ADAMTSL1: variants seen among roughly 807,000 people sequenced by gnomAD.
The protein encoded by ADAMTSL1 is ADAMTS like 1.
ADAMTSL1 carries 126 observed loss-of-function variants against 201.8 expected under a neutral mutation model. The ratio of observed to expected loss-of-function variants is 0.62; its 90% CI spans 0.54 to 0.72. ADAMTSL1 has a LOEUF of 0.72. Ranked by LOEUF, ADAMTSL1 falls within the 30% of genes least tolerant of loss-of-function variation. ADAMTSL1 has a pLI of 0.00. For synonymous variants in ADAMTSL1, 1,121 were observed against 903.4 expected (o/e 1.24, Z -4.32); for missense variants, 2,679 against 2,277.8 (o/e 1.18, Z -3.59).
At chr9:18,392,540 A>C (rs57213858) in intron 2 of ADAMTSL1, among the ~76,000 whole-genome samples, 26,814 of 152,032 alleles carry the variant, frequency 0.18, 2,644 homozygotes, top group South Asian at 0.25. Flanking sequence ...CCTTATCTTT[A>C]TCTCTGTTAT....
At chr9:18,430,617 T>C (rs1304714133) in intron 2 of ADAMTSL1, among the ~76,000 whole-genome samples, 3 of 152,170 alleles carry the variant, frequency 2.0e-5, no homozygotes, top group African/African-American at 7.2e-5. Flanking sequence ...GCCTATACTG[T>C]TTCCCTAATC....
intron 26 of ADAMTSL1, among the ~76,000 whole-genome samples, chr9:18,896,000 C>T (rs972457085): frequency 7.9e-5 from 12 of 152,050 alleles, no homozygotes; most frequent in African/African-American, 1.4e-4. Flanking sequence ...CAGCAGATTT[C>T]GCAGGCAGCA....
At chr9:18,128,992 C>T (rs989214043) in intron 1 of ADAMTSL1, among the ~76,000 whole-genome samples, 1 of 152,128 alleles carries the variant, frequency 6.6e-6, no homozygotes, top group Non-Finnish European at 1.5e-5. Context: ...TTCTATAAAA[C>T]AGACTGTAAT....
intron 2 of ADAMTSL1, among the ~76,000 whole-genome samples, chr9:18,244,776 C>T (rs747708270): frequency 1.6e-4 from 24 of 152,128 alleles, no homozygotes; most frequent in Non-Finnish European, 3.1e-4. Context: ...TCTGCTTACT[C>T]CTAATGAGTC....
At chr9:18,629,897 G>T (rs920587405) in intron 5 of ADAMTSL1, among the ~76,000 whole-genome samples, 1 of 152,036 alleles carries the variant, frequency 6.6e-6, no homozygotes, top group African/African-American at 2.4e-5. Context: ...GTAACCTTAT[G>T]AACTTATGGA....
intron 2 of ADAMTSL1, among the ~76,000 whole-genome samples, chr9:18,169,680 A>G (rs931783492): frequency 6.6e-6 from 1 of 152,128 alleles, no homozygotes; most frequent in Non-Finnish European, 1.5e-5. Context: ...TGGTAGCTTG[A>G]TGGAGATGGC....
At chr9:18,600,284 C>T (rs1323302504) in intron 4 of ADAMTSL1, among the ~76,000 whole-genome samples, 2 of 152,144 alleles carry the variant, frequency 1.3e-5, no homozygotes, top group African/African-American at 4.8e-5. Context: ...TAAGCTCTAA[C>T]CATGCCAGAC....
rs115562855 is a variant in ADAMTSL1 at position 18,660,482 on chromosome 9, A to G, written c.947-1453A>G. ...TACACGCTATAATAGCTTCAAAGCAACAGGTTTAGGCTGACAAATTTTGAT... is the reference window on the plus strand; with the variant it reads ...TACACGCTATAATAGCTTCAAAGCAGCAGGTTTAGGCTGACAAATTTTGAT... On this transcript the variant is annotated intron_variant, in intron 8 of 28. Coordinates refer to ENST00000380548, the MANE Select transcript of ADAMTSL1 (RefSeq NM_001040272.6). Among the ~76,000 whole-genome samples the G allele has an allele frequency of 3.6e-3, 545 of 152,350 alleles. 1 individual carries two copies. The highest frequency in any genetic ancestry group is 0.013 in the African/African-American group (522 of 41,594).
chr9:18,361,882 C>T (rs1055684771), intron 2 of ADAMTSL1, among the ~76,000 whole-genome samples: 2 of 152,106 alleles, frequency 1.3e-5, no homozygotes, highest in East Asian at 3.9e-4. Context: ...CAATTATGTG[C>T]AATTTGGCAC....
At chr9:18,290,749 G>A (rs1426526409) in intron 2 of ADAMTSL1, among the ~76,000 whole-genome samples, 1 of 151,474 alleles carries the variant, frequency 6.6e-6, no homozygotes, top group Non-Finnish European at 1.5e-5. Context: ...GAGTGGTAAG[G>A]GCTCAGGGTT....
intron 1 of ADAMTSL1, among the ~76,000 whole-genome samples, chr9:17,975,829 T>G (rs1818424591): frequency 1.3e-5 from 2 of 152,120 alleles, no homozygotes; most frequent in Non-Finnish European, 2.9e-5. Flanking sequence ...CACCTATACT[T>G]TCTTCTTGGT....
intron 22 of ADAMTSL1, 23 bp from the exon 23 acceptor site, chr9:18,829,820 A>T (rs1392752343): frequency 1.9e-6 from 3 of 1,613,554 alleles, no homozygotes; most frequent in Non-Finnish European, 2.5e-6. Context: ...AACCTGCCTG[A>T]TCCACCCTCT....
intron 2 of ADAMTSL1, among the ~76,000 whole-genome samples, chr9:18,350,569 C>A (rs1586944892): frequency 6.6e-6 from 1 of 152,134 alleles, no homozygotes; most frequent in East Asian, 1.9e-4. Flanking sequence ...AGGAAATTGT[C>A]AGAACAGAAA....
At chr9:18,746,837 G>T (rs1394314315) in intron 15 of ADAMTSL1, among the ~76,000 whole-genome samples, 2 of 151,058 alleles carry the variant, frequency 1.3e-5, no homozygotes, top group Non-Finnish European at 2.9e-5. Flanking sequence ...CTGCCAAGAA[G>T]GGTCAACCAT....
intron 7 of ADAMTSL1, among the ~76,000 whole-genome samples, chr9:18,647,453 T>C (rs965729173): frequency 2.0e-5 from 3 of 152,098 alleles, no homozygotes; most frequent in African/African-American, 7.2e-5. Context: ...TGCTCTTGCT[T>C]TTCTAGTTCT....
chr9:18,656,636 A>AAAAAAAAAG (rs1828695295), intron 7 of ADAMTSL1, among the ~76,000 whole-genome samples: 1 of 151,414 alleles, frequency 6.6e-6, no homozygotes, highest in Non-Finnish European at 1.5e-5. Context: ...CGCAAAAAAA[A>AAAAAAAAAG]AAAAAAAAAG....
intron 2 of ADAMTSL1, among the ~76,000 whole-genome samples, chr9:18,242,516 T>C (rs927009834): frequency 3.3e-5 from 5 of 152,124 alleles, no homozygotes; most frequent in Admixed American, 2.6e-4. Flanking sequence ...GCAAGAACCA[T>C]GTGACAAGGA....
intron 21 of ADAMTSL1, among the ~76,000 whole-genome samples, chr9:18,817,551 T>A (rs1823940142): frequency 6.6e-6 from 1 of 151,716 alleles, no homozygotes; most frequent in African/African-American, 2.4e-5. Flanking sequence ...CACAGGAGAG[T>A]GATAAATTCA....
At chr9:18,134,401 A>C (rs928228902) in intron 1 of ADAMTSL1, among the ~76,000 whole-genome samples, 2 of 152,206 alleles carry the variant, frequency 1.3e-5, no homozygotes, top group Non-Finnish European at 2.9e-5. Context: ...TTGGCTTCAG[A>C]TTCAATTCTG....
Sources: allele counts gnomAD v4.1 joint callset (sites outside exome capture counted in the v4.1 genomes callset), GRCh38; gene constraint gnomAD v4.1.1; transcripts MANE v1.5; gene names NCBI Gene and HGNC (gene_info 2026-07-23, HGNC 2026-07-21).